Variants in ROBO2 observed in about 807,000 individuals in gnomAD.
The protein encoded by ROBO2 is roundabout homolog 2.
Under a neutral mutation model 160.8 loss-of-function variants are expected in ROBO2, and 53 were observed. The ratio of observed to expected loss-of-function variants is 0.33; its 90% CI spans 0.26 to 0.41. The LOEUF (loss-of-function observed/expected upper bound fraction) is 0.41. Among genes scored for constraint, ROBO2 ranks in the 10% least tolerant of loss-of-function variants. The probability of loss-of-function intolerance (pLI) is 1.00; values close to 1 mark genes in which losing one functional copy is unlikely to be tolerated. For missense variants in ROBO2, 1,577 were observed against 1,722.4 expected (o/e 0.92, Z 1.49); for synonymous variants, 664 against 611.7 (o/e 1.09, Z -1.26).
chr3:76,299,412 G>C (rs997613150), intron 2 of ROBO2, among the ~76,000 whole-genome samples: 2 of 152,102 alleles, frequency 1.3e-5, no homozygotes, highest in Admixed American at 6.6e-5. Context: ...AGGTAACACT[G>C]TCTGGGTTTT....
At chr3:76,118,148 C>A (rs2324500) in intron 2 of ROBO2, among the ~76,000 whole-genome samples, 12,055 of 151,988 alleles carry the variant, frequency 0.079, 1,029 homozygotes, top group African/African-American at 0.2. Flanking sequence ...TATAATAAAA[C>A]AAAGACACCA....
At chr3:77,167,504 T>G (rs1053899646) in intron 2 of ROBO2, among the ~76,000 whole-genome samples, 8 of 152,186 alleles carry the variant, frequency 5.3e-5, no homozygotes, top group African/African-American at 1.9e-4. Context: ...TTGGGAACTT[T>G]TTTTCCTTGA....
At chr3:77,057,814 C>T (rs2065908276) in intron 1 of ROBO2, among the ~76,000 whole-genome samples, 1 of 151,726 alleles carries the variant, frequency 6.6e-6, no homozygotes, top group Non-Finnish European at 1.5e-5. Flanking sequence ...CGTGATCCAC[C>T]CACTTCGACC....
intron 2 of ROBO2, among the ~76,000 whole-genome samples, chr3:77,235,610 A>C (rs1203377171): frequency 6.6e-6 from 1 of 152,222 alleles, no homozygotes; most frequent in Non-Finnish European, 1.5e-5. Context: ...TATATATTAA[A>C]GAGAAAGTCT....
chr3:76,610,994 A>G (rs1330218301), intron 2 of ROBO2, among the ~76,000 whole-genome samples: 1 of 152,126 alleles, frequency 6.6e-6, no homozygotes, highest in Non-Finnish European at 1.5e-5. Context: ...GGGACCCGAG[A>G]GTGGGTAGCC....
chr3:76,283,137 T>C (rs1359033064), intron 2 of ROBO2, among the ~76,000 whole-genome samples: 1 of 4,704 alleles, frequency 2.1e-4, no homozygotes, highest in African/African-American at 3.7e-4. Flanking sequence ...TATAAAACTG[T>C]ATATATATAT....
intron 2 of ROBO2, among the ~76,000 whole-genome samples, chr3:77,124,049 T>C (rs1431345462): frequency 6.7e-6 from 1 of 149,056 alleles, no homozygotes; most frequent in African/African-American, 2.4e-5. Context: ...TGTAAAACAT[T>C]TGAAAAACTG....
intron 2 of ROBO2, among the ~76,000 whole-genome samples, chr3:77,251,713 T>C (rs1178711688): frequency 1.3e-5 from 2 of 152,082 alleles, no homozygotes; most frequent in African/African-American, 4.8e-5. Context: ...GTCTCCCCCA[T>C]ACTGTTCTTG....
chr3:76,067,887 TGATA>T (rs1342213537), intron 2 of ROBO2, among the ~76,000 whole-genome samples: 1 of 152,188 alleles, frequency 6.6e-6, no homozygotes, highest in Admixed American at 6.5e-5. Context: ...ATGTAATATG[TGATA>T]GATAGTAATT....
At chr3:76,693,299 A>G (rs1385048804) in intron 2 of ROBO2, among the ~76,000 whole-genome samples, 1 of 149,992 alleles carries the variant, frequency 6.7e-6, no homozygotes, top group East Asian at 2.0e-4. Context: ...ATCTATATGT[A>G]GTGTGTGTAT....
intron 2 of ROBO2, among the ~76,000 whole-genome samples, chr3:77,196,080 C>T (rs1433959357): frequency 6.6e-6 from 1 of 152,162 alleles, no homozygotes; most frequent in East Asian, 1.9e-4. Context: ...AGGCCTGAAA[C>T]TAATCAAATA....
At chr3:76,688,278 T>G (rs2092725267) in intron 2 of ROBO2, among the ~76,000 whole-genome samples, 1 of 152,038 alleles carries the variant, frequency 6.6e-6, no homozygotes, top group Non-Finnish European at 1.5e-5. Context: ...ATTGTTCAAT[T>G]GTGATCAATT....
chr3:76,458,190 T>G (rs2077882893), intron 2 of ROBO2, among the ~76,000 whole-genome samples: 1 of 152,168 alleles, frequency 6.6e-6, no homozygotes, highest in African/African-American at 2.4e-5. Context: ...CTTACTTTCC[T>G]TATAAAACTG....
chr3:76,582,639 T>G (rs2085773162), intron 2 of ROBO2, among the ~76,000 whole-genome samples: 2 of 152,256 alleles, frequency 1.3e-5, no homozygotes, highest in South Asian at 2.1e-4. Flanking sequence ...AAAAATAAAT[T>G]TAAGACAATT....
At chr3:77,509,773 CTCA>C (rs1472895379) in intron 5 of ROBO2, among the ~76,000 whole-genome samples, 1 of 152,014 alleles carries the variant, frequency 6.6e-6, no homozygotes, top group Non-Finnish European at 1.5e-5. Context: ...CGTTTATTCC[CTCA>C]TCAACAAATT....
chr3:76,864,216 C>T (rs1336086616), intron 2 of ROBO2, among the ~76,000 whole-genome samples: 1 of 152,040 alleles, frequency 6.6e-6, no homozygotes, highest in Non-Finnish European at 1.5e-5. Flanking sequence ...TGATGGTTCT[C>T]CTTCCGGGGG....
chr3:77,306,240 A>C (rs2063082502), intron 2 of ROBO2, among the ~76,000 whole-genome samples: 1 of 152,188 alleles, frequency 6.6e-6, no homozygotes, highest in African/African-American at 2.4e-5. Flanking sequence ...AAAATTTTGA[A>C]ACATTATTTT....
chr3:77,588,644 G>C (rs2094112118), intron 16 of ROBO2, 107 bp from the exon 18 acceptor site: 1 of 1,041,670 alleles, frequency 9.6e-7, no homozygotes, highest in Admixed American at 2.0e-5. Flanking sequence ...AACTAAACAA[G>C]CATTTCCTGC....
chr3:76,208,333 G>GAAT (rs1261558575), intron 2 of ROBO2, among the ~76,000 whole-genome samples: 2 of 152,124 alleles, frequency 1.3e-5, no homozygotes, highest in African/African-American at 2.4e-5. Flanking sequence ...GTTGACCTCA[G>GAAT]AATTAATCAT....
Sources: gnomAD v4.1 joint callset for allele counts (sites outside exome capture counted in the v4.1 genomes callset) on GRCh38, gnomAD v4.1.1 for gene constraint, MANE v1.5 for transcripts, NCBI Gene and HGNC (gene_info 2026-07-23, HGNC 2026-07-21) for gene names.